The following CNTNAP2 variants were observed in gnomAD, a reference collection of about 807,000 sequenced individuals.
The protein encoded by CNTNAP2 is contactin-associated protein-like 2.
CNTNAP2 carries 98 observed loss-of-function variants against 155.2 expected under a neutral mutation model. The ratio of observed to expected loss-of-function variants is 0.63; its 90% confidence interval spans 0.54 to 0.75. The LOEUF is 0.75. CNTNAP2 is among the 30% of genes least tolerant of loss of function. The pLI is 0.00. For synonymous variants in CNTNAP2, 651 were observed against 631.2 expected, an observed-to-expected ratio of 1.03 and a Z score of -0.47; for missense variants, 1,727 against 1,688.1, an observed-to-expected ratio of 1.02 and a Z score of -0.40.
intron 1 of CNTNAP2, among the ~76,000 whole-genome samples, chr7:146,618,319 T>C (rs1343513539): frequency 6.6e-6 from 1 of 152,216 alleles, no homozygotes; most frequent in Non-Finnish European, 1.5e-5. Flanking sequence ...GCATGTTATT[T>C]ATCTCAAACT....
At position 148,280,230 on chromosome 7, in the gene CNTNAP2, C is replaced by T. The variant is rs112200273; in HGVS notation, c.3475+13104C>T. 2.5e-3 allele frequency among the ~76,000 whole-genome samples: 384 copies of T among 152,144 alleles called. 4 individuals carry two copies. The highest frequency in any genetic ancestry group is 8.8e-3 in the African/African-American group (367 of 41,496). ...GGCTGAGGCAGGAGAATTGCTTGAG[C>T]CCGGGAGACAGAGAAGTTGCAGTGA... is the stretch of plus-strand genomic sequence containing the variant. On this transcript the variant is annotated intron_variant, in intron 21 of 23. Coordinates refer to ENST00000361727, the MANE Select transcript of CNTNAP2 (RefSeq NM_014141.6).
chr7:146,700,425 C>G (rs1431260236), intron 1 of CNTNAP2, among the ~76,000 whole-genome samples: 1 of 151,964 alleles, frequency 6.6e-6, no homozygotes, highest in Non-Finnish European at 1.5e-5. Flanking sequence ...TCAGATAAGA[C>G]TAATCTTGTT....
chr7:146,696,260 G>C (rs1800780922), intron 1 of CNTNAP2, among the ~76,000 whole-genome samples: 1 of 152,026 alleles, frequency 6.6e-6, no homozygotes, highest in Non-Finnish European at 1.5e-5. Flanking sequence ...TTTTTATATT[G>C]CGCCTTCTGT....
At chr7:146,782,317 T>C (rs1286602122) in intron 2 of CNTNAP2, 1 of 152,192 alleles carries the variant, frequency 6.6e-6, no homozygotes, top group Non-Finnish European at 1.5e-5. Context: ...AAGAACTGGT[T>C]TCCTAATGGG....
intron 6 of CNTNAP2, among the ~76,000 whole-genome samples, chr7:147,128,127 T>G (rs1472666304): frequency 6.6e-6 from 1 of 152,158 alleles, no homozygotes; most frequent in African/African-American, 2.4e-5. Context: ...AAATCCTAAG[T>G]GGTCCCTAAT....
chr7:147,440,798 C>T lies in CNTNAP2; in HGVS notation c.1670+45018C>T, dbSNP rs541858674. Among the ~76,000 whole-genome samples, 14 of 152,216 alleles carry T rather than the reference C, an allele frequency of 9.2e-5. No homozygotes were observed. The South Asian group carries it at 2.7e-3, about 29-fold the overall frequency. On this transcript the variant is annotated intron_variant, in intron 10 of 23. Coordinates refer to ENST00000361727, the MANE Select transcript of CNTNAP2 (RefSeq NM_014141.6). ...AATATGTCATACGACTCTCTTCTGG[C>T]CTGTAAGTTTTCCAATAAAATGTCT...
At chr7:147,050,882 C>T (rs757082387) in intron 4 of CNTNAP2, among the ~76,000 whole-genome samples, 6 of 152,100 alleles carry the variant, frequency 3.9e-5, no homozygotes, top group Non-Finnish European at 8.8e-5. Context: ...TCGCCCATCT[C>T]CTGGTGGTGG....
chr7:146,974,173 A>C (rs776969412), intron 3 of CNTNAP2, among the ~76,000 whole-genome samples: 5 of 152,136 alleles, frequency 3.3e-5, no homozygotes, highest in Admixed American at 3.3e-4. Flanking sequence ...ATCACACACT[A>C]TCACTAAAAA....
intron 1 of CNTNAP2, among the ~76,000 whole-genome samples, chr7:146,615,771 C>A (rs1039471342): frequency 6.6e-6 from 1 of 152,158 alleles, no homozygotes; most frequent in African/African-American, 2.4e-5. Context: ...GGGGAGAAAC[C>A]TGAGACACAG....
At chr7:147,263,010 G>A (rs1804526674) in intron 8 of CNTNAP2, among the ~76,000 whole-genome samples, 1 of 152,174 alleles carries the variant, frequency 6.6e-6, no homozygotes, top group South Asian at 2.1e-4. Flanking sequence ...TGTAGACACT[G>A]TCTACAGAGT....
intron 8 of CNTNAP2, among the ~76,000 whole-genome samples, chr7:147,173,954 C>T (rs1456874270): frequency 6.6e-6 from 1 of 152,072 alleles, no homozygotes; most frequent in Non-Finnish European, 1.5e-5. Context: ...GATACAGAAT[C>T]ATGTAAAACA....
rs577192373 is a variant in CNTNAP2 at position 147,326,110 on chromosome 7, G to T, written c.1498+25820G>T. On this transcript the variant is annotated intron_variant, in intron 9 of 23. Transcript: ENST00000361727. ...GCTAATTGCTTTTGTATTTTTAGTA[G>T]AGATGGGGTTTCACCGTGTTAGCCA... Among the ~76,000 whole-genome samples the T allele has an allele frequency of 2.0e-5, 3 of 152,254 alleles. No homozygotes were observed. In the East Asian group the frequency reaches 5.8e-4, roughly 30 times the overall value.
At chr7:146,814,963 T>C (rs1295780865) in intron 2 of CNTNAP2, among the ~76,000 whole-genome samples, 1 of 152,232 alleles carries the variant, frequency 6.6e-6, no homozygotes, top group Non-Finnish European at 1.5e-5. Flanking sequence ...AGAAAATTTA[T>C]GAATAATAGA....
intron 1 of CNTNAP2, among the ~76,000 whole-genome samples, chr7:146,744,227 CA>C (rs60606492): frequency 0.18 from 8,831 of 48,062 alleles, 118 homozygotes; most frequent in East Asian, 0.33. Flanking sequence ...CACTCTGTCT[CA>C]AAAAAAAAAA....
intron 1 of CNTNAP2, among the ~76,000 whole-genome samples, chr7:146,575,069 A>G (rs1798502652): frequency 6.6e-6 from 1 of 152,184 alleles, no homozygotes; most frequent in South Asian, 2.1e-4. Context: ...TAGAACCCCA[A>G]AAGCCTTAGC....
intron 1 of CNTNAP2, among the ~76,000 whole-genome samples, chr7:146,457,247 C>T (rs1046211499): frequency 7.9e-5 from 12 of 151,628 alleles, no homozygotes; most frequent in African/African-American, 2.9e-4. Flanking sequence ...ATTCTCAACA[C>T]TTCTGTGATC....
chr7:147,018,275 C>T (rs896048876), intron 3 of CNTNAP2, among the ~76,000 whole-genome samples: 1 of 152,024 alleles, frequency 6.6e-6, no homozygotes, highest in East Asian at 1.9e-4. Flanking sequence ...AGCTGCAAGA[C>T]AAGCCCAATT....
intron 8 of CNTNAP2, among the ~76,000 whole-genome samples, chr7:147,266,461 T>C (rs1308130084): frequency 6.6e-6 from 1 of 152,170 alleles, no homozygotes; most frequent in Non-Finnish European, 1.5e-5. Flanking sequence ...TGGACCAGCA[T>C]TGGGATCTTT....
intron 13 of CNTNAP2, among the ~76,000 whole-genome samples, chr7:147,887,479 T>A (rs2538977): frequency 6.6e-6 from 1 of 151,948 alleles, no homozygotes. Context: ...CTCAAAAAAA[T>A]TAAAAATAAA....
Sources: allele counts gnomAD v4.1 joint callset (sites outside exome capture counted in the v4.1 genomes callset), GRCh38; gene constraint gnomAD v4.1.1; transcripts MANE v1.5; gene names NCBI Gene and HGNC (gene_info 2026-07-23, HGNC 2026-07-21).